Variants in SLC12A2 observed in about 807,000 individuals in gnomAD.
SLC12A2 encodes the protein Na-K-2Cl cotransporter 1.
In SLC12A2, 67 loss-of-function variants were observed where a neutral mutation model predicts 136.3. That is an observed-to-expected ratio of 0.49 (90% CI 0.40 to 0.60). SLC12A2 has a LOEUF of 0.60. Among genes scored for constraint, SLC12A2 ranks in the 20% least tolerant of loss-of-function variants. The pLI, the probability that SLC12A2 is intolerant of heterozygous loss-of-function variation, is 0.00. For missense variants in SLC12A2, 1,322 were observed against 1,534.7 expected, an observed-to-expected ratio of 0.86 and a Z score of 2.32; for synonymous variants, 619 against 562.9, an observed-to-expected ratio of 1.10 and a Z score of -1.41.
rs148897238 is a variant in SLC12A2, at chr5:128,135,786, A to T, written c.1386A>T (p.Pro462=). ...GTFIPLESKK[P]KGFFGYKSEI... ...TTATCCCACTGGAGAGCAAGAAGCC[A>T]AAAGGGTTTTTTGGTTATAAATGTA... The change falls in exon 7 of 27, where the codon CCA becomes CCT. Residue 462 remains proline (P), a synonymous_variant. Transcript: ENST00000262461. 3 of 1,606,740 alleles carry T rather than the reference A, an allele frequency of 1.9e-6. No individual in the cohort carries two copies. The highest frequency in any genetic ancestry group is 2.6e-6 in the Non-Finnish European group (3 of 1,174,008).
At chr5:128,104,341 A>G (rs1336195818) in intron 1 of SLC12A2, among the ~76,000 whole-genome samples, 2 of 152,144 alleles carry the variant, frequency 1.3e-5, no homozygotes, top group African/African-American at 4.8e-5. Flanking sequence ...TCATACTTAA[A>G]ACATTTGAAT....
chr5:128,104,215 T>TA (rs1760845525), intron 1 of SLC12A2, among the ~76,000 whole-genome samples: 1 of 152,118 alleles, frequency 6.6e-6, no homozygotes, highest in Admixed American at 6.6e-5. Context: ...TTGGAAAAAA[T>TA]CCTAGATAAT....
At chr5:128,085,157 G>C (rs565905754) in intron 1 of SLC12A2, among the ~76,000 whole-genome samples, 3 of 152,084 alleles carry the variant, frequency 2.0e-5, no homozygotes, top group African/African-American at 7.2e-5. Context: ...GATCGCAAGA[G>C]TGGGAATGTT....
Position 128,131,329 on chromosome 5 carries a change from GT to G in SLC12A2, c.1188+126del. On this transcript the variant is annotated intron_variant, in intron 5 of 26. Transcript: ENST00000262461. Reference sequence around the variant, plus strand: ...GACCAAGAGATTCGTCCTTCATAAAGTTTACTACAGGAGATAGGCAAAGAAC... The same window carrying G: ...GACCAAGAGATTCGTCCTTCATAAAGTTACTACAGGAGATAGGCAAAGAAC... The G allele has an allele frequency of 2.0e-6, 2 of 985,132 alleles. 1 individual carries two copies. The highest frequency in any genetic ancestry group is 3.1e-6 in the Non-Finnish European group (2 of 644,408). 61.0% of individuals were successfully genotyped at this position (985,132 alleles called of 1,614,324 possible). A position where few individuals can be genotyped will look rare whatever the true frequency, so the allele number is the denominator to read the frequency against.
chr5:128,171,867 G>A (rs951352241), intron 19 of SLC12A2, 121 bp downstream of exon 19: 6 of 606,738 alleles, frequency 9.9e-6, no homozygotes, highest in Admixed American at 3.2e-5. Flanking sequence ...TGGACTTATT[G>A]TATGGCATTT....
chr5:128,091,236 T>C (rs1349990514), intron 1 of SLC12A2, among the ~76,000 whole-genome samples: 1 of 152,054 alleles, frequency 6.6e-6, no homozygotes, highest in East Asian at 1.9e-4. Context: ...ACTAGGGTTT[T>C]CCCCCTATTT....
Position 128,131,155 on chromosome 5 carries a change from A to C in SLC12A2, c.1137A>C (p.Ala379=), listed in dbSNP as rs1468666264. The C allele has an allele frequency of 1.9e-6, 3 of 1,614,002 alleles. No homozygotes were observed. The highest frequency in any genetic ancestry group is 3.3e-5 in the Admixed American group (2 of 60,004). The change falls in exon 5 of 27, where the codon GCA becomes GCC. Residue 379 remains alanine (A), a synonymous_variant. Transcript: ENST00000262461. The stretch of plus-strand genomic sequence containing the variant: ...TCTTCGCCTTTGCCAACGCTGTTGC[A>C]GTTGCTATGTATGTGGTTGGATTTG... ...GLIFAFANAV[A]VAMYVVGFAE...
intron 1 of SLC12A2, among the ~76,000 whole-genome samples, 166 bp from the exon 2 acceptor site, chr5:128,112,648 A>T (rs1561664057): frequency 1.3e-5 from 2 of 152,130 alleles, no homozygotes; most frequent in African/African-American, 2.4e-5. Flanking sequence ...CTTCTAGTTT[A>T]TTGTTTTGTC....
intron 18 of SLC12A2, chr5:128,169,209 G>A (rs1763294017): frequency 6.7e-6 from 1 of 149,026 alleles, no homozygotes; most frequent in Admixed American, 6.7e-5. Flanking sequence ...AGAACTGTCT[G>A]CTTCCTCTTA....
chr5:128,111,123 T>C (rs1006284917), intron 1 of SLC12A2: 2 of 434,496 alleles, frequency 4.6e-6, no homozygotes, highest in African/African-American at 4.0e-5. Flanking sequence ...GAAGATAACG[T>C]TTCTACTTAT....
At chr5:128,184,319 T>G in intron 24 of SLC12A2, 47 bp from the exon 25 acceptor site, 1 of 1,212,450 alleles carries the variant, frequency 8.2e-7, no homozygotes. Flanking sequence ...TCCTGTTATG[T>G]AACTTAAAAT....
Position 128,134,242 on chromosome 5 carries a change from T to C in SLC12A2, c.1266T>C (p.Gly422=). 1.2e-6 allele frequency: 2 copies of C among 1,603,600 alleles called. No homozygotes were observed. The highest frequency in any genetic ancestry group is 1.7e-6 in the Non-Finnish European group (2 of 1,170,804). The part of the protein sequence containing the change: ...IGAITVVILL[G]ISVAGMEWEA... ...CCATTACAGTCGTGATTCTTTTAGG[T>C]ATCTCAGTAGCTGGAATGGAGTGGG... Residue 422 remains glycine (G), a synonymous_variant, in exon 6 of 27, where the codon GGT becomes GGC. Coordinates refer to ENST00000262461, the MANE Select transcript of SLC12A2 (RefSeq NM_001046.3).
intron 10 of SLC12A2, among the ~76,000 whole-genome samples, chr5:128,144,535 A>G (rs1235944922): frequency 6.6e-6 from 1 of 152,080 alleles, no homozygotes; most frequent in Admixed American, 6.6e-5. Flanking sequence ...ATTGCTTGCT[A>G]TATTTCTACA....
In SLC12A2 at chr5:128,120,600, A is replaced by C. The variant is rs1055307807; in HGVS notation, c.1048+5919A>C. ...TGGAAATCATCATTCTCAGTAAACT[A>C]TCGCAAGGACAAAAAACCAAACACT... On this transcript the variant is annotated intron_variant, in intron 4 of 26. Transcript: ENST00000262461. Among the ~76,000 whole-genome samples, 83 of 151,352 alleles carry C rather than the reference A, an allele frequency of 5.5e-4. 2 individuals carry two copies. Among genetic ancestry groups the C allele is most frequent in the Non-Finnish European group, 8.8e-5 (6 of 68,000 alleles).
intron 4 of SLC12A2, among the ~76,000 whole-genome samples, chr5:128,126,275 C>T (rs549867294): frequency 3.9e-5 from 6 of 152,168 alleles, no homozygotes; most frequent in Admixed American, 6.5e-5. Flanking sequence ...TTTGAATAGA[C>T]GTTTCTCAAA....
At chr5:128,167,666 T>C (rs1763244852) in intron 17 of SLC12A2, 95 bp from the exon 18 acceptor site, 3 of 788,936 alleles carry the variant, frequency 3.8e-6, no homozygotes, top group South Asian at 3.7e-5. Context: ...AGAGTGTCTA[T>C]AGAAGCTGTC....
chr5:128,109,585 G>A, intron 1 of SLC12A2: 2 of 723,094 alleles, frequency 2.8e-6, no homozygotes, highest in Non-Finnish European at 5.2e-6. Context: ...GCAAAATATG[G>A]GGACCCAGGT....
intron 13 of SLC12A2, among the ~76,000 whole-genome samples, chr5:128,150,611 G>T (rs79998108): frequency 1.3e-5 from 2 of 151,682 alleles, no homozygotes; most frequent in African/African-American, 4.8e-5. Flanking sequence ...TACTTTAAAT[G>T]TATAAATTCT....
At position 128,152,805 on chromosome 5, in the gene SLC12A2, G is replaced by T; in HGVS notation, c.2363G>T (p.Arg788Met). The T allele has an allele frequency of 6.3e-7, 1 of 1,585,530 alleles. No homozygotes were observed. The highest frequency in any genetic ancestry group is 8.7e-7 in the Non-Finnish European group (1 of 1,154,064). The change falls in exon 15 of 27, where the codon AGG (arginine) becomes ATG (methionine). Residue 788 changes from arginine to methionine, a missense_variant and splice_region_variant. Around this residue, in one of 8 missense-constraint regions of SLC12A2, gnomAD observed 294 missense variants for 436.6 expected, o/e 0.67. Coordinates refer to ENST00000262461, the MANE Select transcript of SLC12A2 (RefSeq NM_001046.3). ...SGVEDHVKNF[R>M]PQCLVMTGAP... ...GTGGAAGACCACGTGAAAAACTTTA[G>T]GTAAGTGATAAAGAAGGAAACATGG...
Sources: allele counts gnomAD v4.1 joint callset (sites outside exome capture counted in the v4.1 genomes callset), GRCh38; gene constraint gnomAD v4.1.1; regional missense constraint gnomAD v4.1.1; transcripts MANE v1.5; gene names NCBI Gene and HGNC (gene_info 2026-07-23, HGNC 2026-07-21).